C12orf50: variants seen among roughly 807,000 people sequenced by gnomAD.
The protein encoded by C12orf50 is uncharacterized protein C12orf50.
A neutral mutation model predicts 61.6 loss-of-function variants in C12orf50; 35 were observed. That is an observed-to-expected ratio of 0.57 (90% confidence interval 0.43 to 0.75). The LOEUF (loss-of-function observed/expected upper bound fraction) is 0.75, where lower values mean the gene tolerates loss of function less well. Ranked by LOEUF, C12orf50 falls within the 30% of genes least tolerant of loss-of-function variation. The pLI is 0.00. For missense variants in C12orf50, 475 were observed against 488.5 expected (o/e 0.97, Z 0.26); for synonymous variants, 178 against 161.5 (o/e 1.10, Z -0.77).
At chr12:87,987,790 A>C in intron 9 of C12orf50, 60 bp downstream of exon 9, 2 of 1,105,910 alleles carry the variant, frequency 1.8e-6, no homozygotes, top group Non-Finnish European at 2.7e-6. Context: ...AATAAGCAAA[A>C]CAAATCCATG....
At chr12:88,014,162 G>A (rs977271968) in intron 3 of C12orf50, among the ~76,000 whole-genome samples, 22 of 152,240 alleles carry the variant, frequency 1.4e-4, no homozygotes, top group African/African-American at 5.3e-4. Flanking sequence ...GGGGTAGAGT[G>A]GAATAGAATT....
At chr12:87,982,511 A>G (rs2030541778) in intron 12 of C12orf50, among the ~76,000 whole-genome samples, 1 of 152,182 alleles carries the variant, frequency 6.6e-6, no homozygotes, top group Non-Finnish European at 1.5e-5. Flanking sequence ...CTACTGAACC[A>G]GCCCAGGAGA....
chr12:88,018,032 C>T (rs2032374968), intron 3 of C12orf50, among the ~76,000 whole-genome samples: 1 of 152,184 alleles, frequency 6.6e-6, no homozygotes, highest in Admixed American at 6.5e-5. Context: ...TTCAAGCTGG[C>T]TGCAGAAATT....
At chr12:88,019,306 A>G (rs1423384003) in intron 3 of C12orf50, among the ~76,000 whole-genome samples, 1 of 152,190 alleles carries the variant, frequency 6.6e-6, no homozygotes, top group African/African-American at 2.4e-5. Flanking sequence ...GCTGCCATCC[A>G]TGTAAGACGT....
At chr12:87,999,704 T>TACAAATGTAATCATTTGTAC (rs1425826731) in intron 3 of C12orf50, among the ~76,000 whole-genome samples, 19 of 152,186 alleles carry the variant, frequency 1.2e-4, no homozygotes, top group Admixed American at 8.5e-4. Flanking sequence ...GTCTATATTA[T>TACAAATGTAATCATTTGTAC]ACAAATGTAA....
chr12:87,985,790 G>C, intron 11 of C12orf50, 60 bp downstream of exon 11: 2 of 1,567,078 alleles, frequency 1.3e-6, no homozygotes, highest in Non-Finnish European at 1.8e-6. Flanking sequence ...AAGCTGTCAA[G>C]AAATTCCATG....
chr12:88,015,281 T>G (rs916982079), intron 3 of C12orf50, among the ~76,000 whole-genome samples: 1 of 152,240 alleles, frequency 6.6e-6, no homozygotes, highest in South Asian at 2.1e-4. Context: ...GTTTATTAAA[T>G]TATTTAAAAA....
intron 3 of C12orf50, among the ~76,000 whole-genome samples, chr12:88,009,768 T>C (rs1005618839): frequency 1.3e-5 from 2 of 152,178 alleles, no homozygotes; most frequent in Admixed American, 6.5e-5. Flanking sequence ...TTCCTTGGAG[T>C]CACATAAGCA....
chr12:88,013,528 A>C (rs761918034), intron 3 of C12orf50, among the ~76,000 whole-genome samples: 46 of 152,240 alleles, frequency 3.0e-4, no homozygotes, highest in Non-Finnish European at 5.6e-4. Context: ...TAGAAGGTAC[A>C]TGCTGAAGTA....
chr12:88,029,941 T>C (rs1389966047), upstream of C12orf50, among the ~76,000 whole-genome samples: 1 of 152,192 alleles, frequency 6.6e-6, no homozygotes, highest in African/African-American at 2.4e-5. Context: ...AGCAGAAAGT[T>C]TCCAGAGTGC....
intron 3 of C12orf50, among the ~76,000 whole-genome samples, chr12:88,022,711 A>T (rs554905617): frequency 5.8e-4 from 89 of 152,270 alleles, no homozygotes; most frequent in Admixed American, 3.4e-3. Flanking sequence ...TACAACAACA[A>T]CATCCAAGCC....
chr12:88,007,240 T>TACAA (rs2031919850), intron 3 of C12orf50, among the ~76,000 whole-genome samples: 1 of 152,218 alleles, frequency 6.6e-6, no homozygotes, highest in Non-Finnish European at 1.5e-5. Context: ...TAAGATCTCT[T>TACAA]TTATAATATT....
intron 12 of C12orf50, among the ~76,000 whole-genome samples, chr12:87,982,759 T>C (rs1412860171): frequency 6.6e-6 from 1 of 151,554 alleles, no homozygotes; most frequent in African/African-American, 2.4e-5. Context: ...TAATGTCTTG[T>C]GTTAAAATAC....
intron 8 of C12orf50, among the ~76,000 whole-genome samples, chr12:87,988,312 T>G (rs954171489): frequency 1.3e-5 from 2 of 152,202 alleles, no homozygotes; most frequent in Non-Finnish European, 2.9e-5. Flanking sequence ...ATATTTCAAA[T>G]GTAACAACTT....
intron 7 of C12orf50, among the ~76,000 whole-genome samples, chr12:87,990,647 C>T (rs895995323): frequency 2.6e-5 from 4 of 151,990 alleles, no homozygotes; most frequent in East Asian, 3.9e-4. Flanking sequence ...GAAGGAGTTA[C>T]GCTCCACACT....
At chr12:88,013,276 T>C (rs1220755867) in intron 3 of C12orf50, among the ~76,000 whole-genome samples, 2 of 152,170 alleles carry the variant, frequency 1.3e-5, no homozygotes, top group Admixed American at 1.3e-4. Context: ...ACCTATGAGC[T>C]TATTAGAAAT....
chr12:88,016,316 C>T (rs1025657930), intron 3 of C12orf50, among the ~76,000 whole-genome samples: 26 of 152,062 alleles, frequency 1.7e-4, no homozygotes, highest in African/African-American at 3.9e-4. Context: ...ATGCATTTAC[C>T]GACACTCATA....
At chr12:88,017,479 CTT>C (rs1041674056) in intron 3 of C12orf50, among the ~76,000 whole-genome samples, 1 of 152,168 alleles carries the variant, frequency 6.6e-6, no homozygotes, top group Non-Finnish European at 1.5e-5. Flanking sequence ...TGCAGCATGT[CTT>C]TATCTGCAGA....
intron 3 of C12orf50, among the ~76,000 whole-genome samples, chr12:88,011,606 A>G (rs1183944255): frequency 7.9e-5 from 12 of 152,230 alleles, no homozygotes; most frequent in Admixed American, 7.9e-4. Flanking sequence ...AGAGACATTA[A>G]GTTGCCCATG....
Sources: gnomAD v4.1 joint callset for allele counts (sites outside exome capture counted in the v4.1 genomes callset) on GRCh38, gnomAD v4.1.1 for gene constraint, MANE v1.5 for transcripts, NCBI Gene and HGNC (gene_info 2026-07-23, HGNC 2026-07-21) for gene names.